Variants in IGF2BP2 observed in about 807,000 individuals in gnomAD.
The protein encoded by IGF2BP2 is insulin-like growth factor 2 mRNA-binding protein 2.
IGF2BP2 carries 17 observed loss-of-function variants against 75.8 expected under a neutral mutation model. The observed-to-expected ratio is 0.22, with a 90% CI of 0.15 to 0.34. The LOEUF is 0.34. IGF2BP2 is among the 10% of genes least tolerant of loss of function. The probability of loss-of-function intolerance (pLI) is 1.00; values close to 1 mark genes in which losing one functional copy is unlikely to be tolerated. For synonymous variants in IGF2BP2, 288 were observed against 295.6 expected (o/e 0.97, Z 0.26); for missense variants, 516 against 772.4 (o/e 0.67, Z 3.93).
intron 2 of IGF2BP2, among the ~76,000 whole-genome samples, chr3:185,818,814 G>A (rs1338227466): frequency 6.6e-6 from 1 of 151,934 alleles, no homozygotes; most frequent in Non-Finnish European, 1.5e-5. Context: ...TAATAAATGT[G>A]CCTAAGTCAC....
intron 2 of IGF2BP2, among the ~76,000 whole-genome samples, chr3:185,793,499 G>A (rs1222594547): frequency 6.6e-6 from 1 of 152,198 alleles, no homozygotes; most frequent in African/African-American, 2.4e-5. Context: ...GTCTGTGTGT[G>A]TGTGTAACAA....
intron 9 of IGF2BP2, 144 bp downstream of exon 9, chr3:185,675,152 G>T: frequency 1.4e-6 from 1 of 697,724 alleles, no homozygotes; most frequent in South Asian, 2.2e-5. Flanking sequence ...TTTACTAGTT[G>T]GTTTCCTGAT....
At chr3:185,775,958 T>C (rs563619700) in intron 2 of IGF2BP2, among the ~76,000 whole-genome samples, 11 of 152,316 alleles carry the variant, frequency 7.2e-5, no homozygotes, top group African/African-American at 2.6e-4. Context: ...AGCCTAGCAA[T>C]AGGCAAATGG....
chr3:185,647,724 C>T lies in IGF2BP2; in HGVS notation c.1594-586G>A, dbSNP rs770155370. Among the ~76,000 whole-genome samples the T allele has an allele frequency of 5.3e-5, 8 of 152,208 alleles. No homozygotes were observed. The highest frequency in any genetic ancestry group is 8.8e-5 in the Non-Finnish European group (6 of 68,020). On this transcript the variant is annotated intron_variant, in intron 14 of 15. Coordinates refer to ENST00000382199, the MANE Select transcript of IGF2BP2 (RefSeq NM_006548.6). The surrounding 1 kb of genome is among the most constrained non-coding windows in gnomAD (Gnocchi z 4.9). Reference sequence around the variant, plus strand: ...AGCCTCCAGCCCATGCTGAGCTCCTCGTGTCTCCAACCACTGCCTGCATTG... The same window carrying T: ...AGCCTCCAGCCCATGCTGAGCTCCTTGTGTCTCCAACCACTGCCTGCATTG...
chr3:185,795,291 CAT>C (rs940476816), intron 2 of IGF2BP2, among the ~76,000 whole-genome samples: 17 of 152,112 alleles, frequency 1.1e-4, no homozygotes, highest in African/African-American at 2.9e-4. Context: ...CATGTGGTAA[CAT>C]GTGTCAAAAT....
chr3:185,712,002 G>A (rs1442182660), intron 2 of IGF2BP2, among the ~76,000 whole-genome samples: 1 of 152,168 alleles, frequency 6.6e-6, no homozygotes, highest in East Asian at 1.9e-4. Flanking sequence ...GAGAGTTGGT[G>A]CCTGGTTTTC....
chr3:185,801,490 A>T lies in IGF2BP2; in HGVS notation c.239+21663T>A, dbSNP rs1738260010. Among the ~76,000 whole-genome samples the T allele has an allele frequency of 2.0e-5, 2 of 98,598 alleles. 1 individual carries two copies. Among genetic ancestry groups the T allele is most frequent in the South Asian group, 6.1e-4 (2 of 3,282 alleles). 64.7% of individuals were successfully genotyped at this position (98,598 alleles called of 152,430 possible). A position where few individuals can be genotyped will look rare whatever the true frequency, so the allele number is the denominator to read the frequency against. ...GGCAACAAGAGCAAAACTCCATCTCAAAAAAAAAAAAAAAAAAAAAGTCAG... is the reference window on the plus strand; with the variant it reads ...GGCAACAAGAGCAAAACTCCATCTCTAAAAAAAAAAAAAAAAAAAAGTCAG... On this transcript the variant is annotated intron_variant, in intron 2 of 15. Transcript: ENST00000382199.
At chr3:185,666,001 CATAGATAGATAGATAGATAG>C (rs57817338) in intron 10 of IGF2BP2, among the ~76,000 whole-genome samples, 209 of 145,402 alleles carry the variant, frequency 1.4e-3, no homozygotes, top group African/African-American at 3.4e-3. Flanking sequence ...TAGATAGGTA[CATAGATAGATAGATAGATAG>C]ATAGATAGAT....
rs1560226663 is a variant in IGF2BP2 at position 185,651,963 on chromosome 3, G to A, written c.1461+131C>T. The A allele has an allele frequency of 8.1e-6, 5 of 614,714 alleles. No homozygotes were observed. The Admixed American group carries it at 1.2e-4, about 15-fold the overall frequency. 38.1% of individuals were successfully genotyped at this position (614,714 alleles called of 1,614,324 possible). A position where few individuals can be genotyped will look rare whatever the true frequency, so the allele number is the denominator to read the frequency against. ...AGAACAGCCAGGGATGACAGGGTGA[G>A]CCTGAGCTTGGTGGGCAGCAGCAGG... On this transcript the variant is annotated intron_variant, in intron 13 of 15. Coordinates refer to ENST00000382199, the MANE Select transcript of IGF2BP2 (RefSeq NM_006548.6).
At chr3:185,823,557 G>C (rs1271824247) in intron 1 of IGF2BP2, among the ~76,000 whole-genome samples, 2 of 152,058 alleles carry the variant, frequency 1.3e-5, no homozygotes, top group Non-Finnish European at 2.9e-5. Context: ...CTGCTCTCCC[G>C]GCCCCCACCT....
chr3:185,807,539 T>A (rs1471745812), intron 2 of IGF2BP2, among the ~76,000 whole-genome samples: 1 of 152,252 alleles, frequency 6.6e-6, no homozygotes, highest in African/African-American at 2.4e-5. Flanking sequence ...TGCCCCAAAT[T>A]AAGTATCGTT....
At chr3:185,657,511 G>C (rs1191117191) in intron 11 of IGF2BP2, 109 bp from the exon 12 acceptor site, 6 of 806,050 alleles carry the variant, frequency 7.4e-6, no homozygotes, top group Non-Finnish European at 1.2e-5. Flanking sequence ...GGAAGGCCCC[G>C]CCACCCAAGG....
intron 4 of IGF2BP2, among the ~76,000 whole-genome samples, chr3:185,695,644 C>T (rs1722484102): frequency 6.6e-6 from 1 of 152,190 alleles, no homozygotes; most frequent in African/African-American, 2.4e-5. Flanking sequence ...TTAGGTACCA[C>T]TGTTTTCCTT....
intron 2 of IGF2BP2, among the ~76,000 whole-genome samples, chr3:185,759,435 A>C (rs542736510): frequency 6.6e-6 from 1 of 152,372 alleles, no homozygotes; most frequent in South Asian, 2.1e-4. Context: ...TAAAATATAT[A>C]GCCTCTGTAA....
At chr3:185,718,672 G>A (rs572823143) in intron 2 of IGF2BP2, among the ~76,000 whole-genome samples, 23 of 113,730 alleles carry the variant, frequency 2.0e-4, no homozygotes, top group African/African-American at 4.2e-4. Context: ...ACAACAGAGC[G>A]AGACTCTGTC....
intron 10 of IGF2BP2, among the ~76,000 whole-genome samples, chr3:185,665,607 G>GT: frequency 1.4e-5 from 2 of 147,746 alleles, no homozygotes; most frequent in African/African-American, 5.1e-5. Flanking sequence ...AAAGGAAGAA[G>GT]AAGGAGGAGG....
At chr3:185,726,125 G>A (rs1727292587) in intron 2 of IGF2BP2, among the ~76,000 whole-genome samples, 1 of 152,166 alleles carries the variant, frequency 6.6e-6, no homozygotes, top group South Asian at 2.1e-4. Flanking sequence ...AGAATTCTGA[G>A]AGTATAATTT....
At chr3:185,725,625 T>C (rs1727216942) in intron 2 of IGF2BP2, among the ~76,000 whole-genome samples, 1 of 152,162 alleles carries the variant, frequency 6.6e-6, no homozygotes, top group Non-Finnish European at 1.5e-5. Context: ...TCTAAATACA[T>C]GGAATTTGCA....
chr3:185,745,561 G>T (rs1186794560), intron 2 of IGF2BP2, among the ~76,000 whole-genome samples: 1 of 152,186 alleles, frequency 6.6e-6, no homozygotes, highest in African/African-American at 2.4e-5. Context: ...GCCCAGCCAA[G>T]ATGGAACCAA....
Sources: allele counts gnomAD v4.1 joint callset (sites outside exome capture counted in the v4.1 genomes callset), GRCh38; gene constraint gnomAD v4.1.1; non-coding constraint Gnocchi (gnomAD v3.1); transcripts MANE v1.5; gene names NCBI Gene and HGNC (gene_info 2026-07-23, HGNC 2026-07-21).